The following KIAA0930 variants were observed in gnomAD, a reference collection of about 807,000 sequenced individuals.
KIAA0930 encodes the protein KIAA0930, also known as uncharacterized protein KIAA0930.
In KIAA0930, 24 loss-of-function variants were observed where a neutral mutation model predicts 43.9. That is an observed-to-expected ratio of 0.55 (90% CI 0.40 to 0.77). The LOEUF is 0.77. KIAA0930 is among the 30% of genes least tolerant of loss of function. The pLI is 0.00. For synonymous variants in KIAA0930, 259 were observed against 216.4 expected, an observed-to-expected ratio of 1.20 and a Z score of -1.73; for missense variants, 461 against 574.2, an observed-to-expected ratio of 0.80 and a Z score of 2.02.
chr22:45,212,646 T>G (rs915903569), intron 1 of KIAA0930, among the ~76,000 whole-genome samples: 1 of 150,844 alleles, frequency 6.6e-6, no homozygotes, highest in African/African-American at 2.4e-5. Context: ...GCCCCACCCC[T>G]GCCCCACGTC....
chr22:45,208,633 C>T (rs978650311), intron 2 of KIAA0930, among the ~76,000 whole-genome samples: 2 of 152,270 alleles, frequency 1.3e-5, no homozygotes, highest in South Asian at 2.1e-4. Context: ...GAAGGGGCCT[C>T]GGTGTTCTCA....
chr22:45,206,965 C>A (rs2083643605), intron 2 of KIAA0930, among the ~76,000 whole-genome samples: 1 of 151,794 alleles, frequency 6.6e-6, no homozygotes, highest in African/African-American at 2.4e-5. Context: ...TCCTAAAGTG[C>A]TGGGATTACA....
chr22:45,213,484 A>G, intron 1 of KIAA0930: 1 of 1,198,554 alleles, frequency 8.3e-7, no homozygotes, highest in Non-Finnish European at 1.1e-6. Flanking sequence ...GGCTCACAGG[A>G]CCCGGGGGAA....
intron 2 of KIAA0930, 72 bp from the exon 3 acceptor site, chr22:45,205,984 C>A (rs1201177136): frequency 2.5e-6 from 4 of 1,578,172 alleles, no homozygotes; most frequent in Non-Finnish European, 3.4e-6. Flanking sequence ...GACTACTATG[C>A]AGGCATTACG....
chr22:45,228,606 C>G (rs1184025706), intron 1 of KIAA0930, among the ~76,000 whole-genome samples: 1 of 152,140 alleles, frequency 6.6e-6, no homozygotes, highest in Non-Finnish European at 1.5e-5. Context: ...GCCGCCTCTG[C>G]TCAGGCAGGG....
chr22:45,204,727 T>C (rs2083620714), intron 5 of KIAA0930, among the ~76,000 whole-genome samples: 1 of 151,684 alleles, frequency 6.6e-6, no homozygotes, highest in African/African-American at 2.4e-5. Context: ...CAGTGCCCTG[T>C]GTTTCTCGGT....
chr22:45,235,540 G>GA (rs1210351839), intron 1 of KIAA0930: 10 of 152,230 alleles, frequency 6.6e-5, no homozygotes, highest in Non-Finnish European at 1.5e-5. Flanking sequence ...TGTGGGGTTG[G>GA]AGGGCCCCAA....
chr22:45,236,956 T>A (rs1233831961), intron 1 of KIAA0930, among the ~76,000 whole-genome samples: 1 of 152,196 alleles, frequency 6.6e-6, no homozygotes, highest in Non-Finnish European at 1.5e-5. Flanking sequence ...TCCCACCTGC[T>A]CACGGCACCT....
At chr22:45,230,518 G>C (rs1361381172) in intron 1 of KIAA0930, among the ~76,000 whole-genome samples, 1 of 151,586 alleles carries the variant, frequency 6.6e-6, no homozygotes, top group African/African-American at 2.4e-5. Flanking sequence ...AATTAGTTGA[G>C]AGAAGAATCT....
chr22:45,217,086 T>C (rs1007221393), intron 1 of KIAA0930, among the ~76,000 whole-genome samples: 26 of 152,148 alleles, frequency 1.7e-4, no homozygotes, highest in African/African-American at 6.0e-4. Context: ...TAAGGCCAGA[T>C]GCGGCGGTTC....
In KIAA0930 at chr22:45,203,169, G is replaced by A. The variant is rs370431927; in HGVS notation, c.673C>T (p.Arg225Cys). 9 of 1,604,046 alleles carry A rather than the reference G, an allele frequency of 5.6e-6. No homozygotes were observed. Among genetic ancestry groups the A allele is most frequent in the South Asian group, 1.1e-5 (1 of 89,618 alleles). The change falls in exon 7 of 10, where the codon CGC becomes TGC. Residue 225 changes from arginine (R) to cysteine (C), a missense_variant. Arg to Cys is a radical substitution (Grantham distance 180). Coordinates refer to ENST00000336156, the MANE Select transcript of KIAA0930 (RefSeq NM_001009880.2). ...VYDNRVSVAA[R>C]MAQKMSFGFY... is the part of the protein sequence containing the mutation. The stretch of plus-strand genomic sequence containing the variant: ...CCAAACGACATCTTCTGTGCCATGC[G>A]GGCGGCCACGCTCACCTGGGGGCCG...
chr22:45,212,821 G>T (rs971887230), intron 1 of KIAA0930, among the ~76,000 whole-genome samples: 1 of 152,248 alleles, frequency 6.6e-6, no homozygotes, highest in Non-Finnish European at 1.5e-5. Context: ...CGCTGGTGAT[G>T]GGACAATGGG....
intron 1 of KIAA0930, chr22:45,236,298 C>T (rs746896435): frequency 1.3e-5 from 2 of 152,376 alleles, no homozygotes; most frequent in Non-Finnish European, 2.9e-5. Flanking sequence ...CCCGTGCAGC[C>T]GCCCCACAAA....
intron 1 of KIAA0930, among the ~76,000 whole-genome samples, chr22:45,234,010 T>C (rs1032709006): frequency 1.3e-5 from 2 of 152,286 alleles, no homozygotes; most frequent in Admixed American, 6.5e-5. Flanking sequence ...CACAGAACCC[T>C]TAGCGGGAGA....
intron 2 of KIAA0930, among the ~76,000 whole-genome samples, chr22:45,208,436 C>A: frequency 1.1e-5 from 1 of 90,010 alleles, no homozygotes; most frequent in South Asian, 3.2e-4. Context: ...ACAGGCAGAA[C>A]CCAACTCCAC....
chr22:45,213,242 C>T, intron 1 of KIAA0930: 1 of 1,170,346 alleles, frequency 8.5e-7, no homozygotes, highest in Non-Finnish European at 1.1e-6. Context: ...GGACTCACAG[C>T]CAGCCCCAGC....
intron 1 of KIAA0930, among the ~76,000 whole-genome samples, chr22:45,221,721 T>C (rs976710580): frequency 3.2e-4 from 48 of 151,852 alleles, no homozygotes; most frequent in African/African-American, 9.5e-4. Context: ...ACACAATAAC[T>C]GGGTTTTTGT....
At chr22:45,236,007 A>T (rs2083886250) in intron 1 of KIAA0930, among the ~76,000 whole-genome samples, 1 of 152,254 alleles carries the variant, frequency 6.6e-6, no homozygotes, top group South Asian at 2.1e-4. Context: ...GGTGTTCAGC[A>T]CAGAGGCAAG....
At chr22:45,234,946 T>C (rs551849283) in intron 1 of KIAA0930, among the ~76,000 whole-genome samples, 4 of 152,300 alleles carry the variant, frequency 2.6e-5, no homozygotes, top group Middle Eastern at 3.4e-3. Context: ...TCTGGGTAAT[T>C]GGAACTAGGC....
Sources: gnomAD v4.1 joint callset for allele counts (sites outside exome capture counted in the v4.1 genomes callset) on GRCh38, gnomAD v4.1.1 for gene constraint, MANE v1.5 for transcripts, NCBI Gene and HGNC (gene_info 2026-07-23, HGNC 2026-07-21) for gene names.